Variants in OR1A1 observed in about 807,000 individuals in gnomAD.
The protein encoded by OR1A1 is olfactory receptor 1A1.
For missense variants in OR1A1, 391 were observed against 379.9 expected (o/e 1.03, Z -0.24); for synonymous variants, 145 against 147.8 (o/e 0.98, Z 0.13).
chr17:3,210,057 C>G (rs867267774), intron 2 of OR1A1, among the ~76,000 whole-genome samples: 1 of 140,120 alleles, frequency 7.1e-6, no homozygotes, highest in Middle Eastern at 3.5e-3. Context: ...ATAGGATTCA[C>G]TACTAAAAAA....
Position 3,218,032 on chromosome 17 carries a change from C to G in OR1A1, c.*1482C>G, listed in dbSNP as rs576932450. The stretch of plus-strand genomic sequence containing the variant: ...AAATTTTTGCCATCTATCCATCTGA[C>G]AAAGGGCTAATATCTAGAATCTACA... On this transcript the variant is annotated 3_prime_UTR_variant, in exon 4 of 4. Transcript: ENST00000641732. The G allele has an allele frequency of 6.6e-6, 1 of 152,150 alleles. No homozygotes were observed. The highest frequency in any genetic ancestry group is 2.1e-4 in the South Asian group (1 of 4,824). The allele number at this position is 152,150 out of a possible 1,614,324, so 9.4% of individuals were successfully genotyped here. A position where few individuals can be genotyped will look rare whatever the true frequency, so the allele number is the denominator to read the frequency against.
chr17:3,209,296 A>C (rs1194208385), intron 2 of OR1A1, among the ~76,000 whole-genome samples: 2 of 151,942 alleles, frequency 1.3e-5, no homozygotes, highest in Non-Finnish European at 2.9e-5. Flanking sequence ...TTGGTTTTCC[A>C]TTCCTGAGTT....
Position 3,207,973 on chromosome 17 carries a change from C to A in OR1A1, c.-584C>A, listed in dbSNP as rs1016866405. ...ACAGCAACATCAAAGGGTAGACAGC[C>A]AGCAACTGTAGGCTACTTGCCCAAG... On this transcript the variant is annotated 5_prime_UTR_variant, in exon 1 of 4. Transcript: ENST00000641732. 2 of 152,192 alleles carry A rather than the reference C, an allele frequency of 1.3e-5. No individual in the cohort carries two copies. Among genetic ancestry groups the A allele is most frequent in the East Asian group, 3.9e-4 (2 of 5,182 alleles). The allele number at this position is 152,192 out of a possible 1,614,324, so 9.4% of individuals were successfully genotyped here.
intron 2 of OR1A1, among the ~76,000 whole-genome samples, chr17:3,210,337 G>C (rs745657353): frequency 2.6e-5 from 4 of 152,184 alleles, no homozygotes; most frequent in South Asian, 4.1e-4. Context: ...GAATGGCTGG[G>C]TCAGAGATGT....
At position 3,215,891 on chromosome 17, in the gene OR1A1, T is replaced by G. The variant is rs1567525897; in HGVS notation, c.271T>G (p.Ser91Ala). 1.2e-6 allele frequency: 2 copies of G among 1,614,170 alleles called. No homozygotes were observed. The highest frequency in any genetic ancestry group is 1.7e-6 in the Non-Finnish European group (2 of 1,180,034). Residue 91 changes from serine to alanine, a missense_variant, in exon 4 of 4, where the codon TCC (serine) becomes GCC (alanine). Physicochemically the swap from Ser to Ala is moderately conservative, Grantham distance 99 (BLOSUM62 1). Transcript: ENST00000641732. ...GGCCAACCATCTCTTGGGCAGCAAA[T>G]CCATCTCTTTTGGGGGATGCCTAAC... ...MLANHLLGSKSISFGGCLTQM... is the reference protein window; with the variant it reads ...MLANHLLGSKAISFGGCLTQM...
At chr17:3,209,713 T>C (rs928378156) in intron 2 of OR1A1, among the ~76,000 whole-genome samples, 3 of 152,122 alleles carry the variant, frequency 2.0e-5, no homozygotes, top group Non-Finnish European at 4.4e-5. Flanking sequence ...AAGGCTGCAG[T>C]GAGCCATGAT....
In OR1A1 at chr17:3,217,044, T is replaced by C. The variant is rs2048473985; in HGVS notation, c.*494T>C. 6.5e-6 allele frequency: 1 copy of C among 153,038 alleles called. No individual in the cohort carries two copies. The highest frequency in any genetic ancestry group is 1.5e-5 in the Non-Finnish European group (1 of 68,690). 9.5% of individuals were successfully genotyped at this position (153,038 alleles called of 1,614,324 possible). On this transcript the variant is annotated 3_prime_UTR_variant, in exon 4 of 4. Transcript: ENST00000641732. ...CCTTCCCAATCTTGGTCAGATAAAG[T>C]GCATCCAATAAATACTGGTGGAAGT...
Position 3,215,928 on chromosome 17 carries a change from T to C in OR1A1, c.308T>C (p.Phe103Ser). Residue 103 changes from phenylalanine to serine, a missense_variant, in exon 4 of 4, where the codon TTC becomes TCC. By Grantham distance (155) the Phe-to-Ser change is radical. Coordinates refer to ENST00000641732, the MANE Select transcript of OR1A1 (RefSeq NM_014565.3). ...GGGGGATGCCTAACGCAGATGTATT[T>C]CATGATAGCCTTGGGTAACACAGAC... ...SFGGCLTQMY[F>S]MIALGNTDSY... The C allele has an allele frequency of 6.2e-7, 1 of 1,614,208 alleles. No individual in the cohort carries two copies. The highest frequency in any genetic ancestry group is 8.5e-7 in the Non-Finnish European group (1 of 1,180,042).
intron 3 of OR1A1, chr17:3,215,310 A>T: frequency 3.1e-6 from 1 of 326,674 alleles, no homozygotes; most frequent in East Asian, 5.6e-5. Context: ...AGACCATGGG[A>T]CATGACAATT....
intron 2 of OR1A1, among the ~76,000 whole-genome samples, chr17:3,210,052 A>G (rs566793460): frequency 3.2e-4 from 46 of 142,120 alleles, no homozygotes; most frequent in African/African-American, 1.1e-3. Flanking sequence ...ATTGCATAGG[A>G]TTCACTACTA....
In OR1A1 at chr17:3,208,794, T is replaced by C. The variant is rs894161671; in HGVS notation, c.-343T>C. 5.3e-5 allele frequency: 8 copies of C among 152,138 alleles called. No homozygotes were observed. Among genetic ancestry groups the C allele is most frequent in the Non-Finnish European group, 1.0e-4 (7 of 68,036 alleles). 9.4% of individuals were successfully genotyped at this position (152,138 alleles called of 1,614,324 possible). ...TTTTTACCTCTTTCCCCTAGTCTGATATATGGCCCCTGGGTCCCTCTTCCA... is the reference window on the plus strand; with the variant it reads ...TTTTTACCTCTTTCCCCTAGTCTGACATATGGCCCCTGGGTCCCTCTTCCA... On this transcript the variant is annotated 5_prime_UTR_variant, in exon 2 of 4. Coordinates refer to ENST00000641732, the MANE Select transcript of OR1A1 (RefSeq NM_014565.3).
Position 3,216,707 on chromosome 17 carries a change from A to G in OR1A1, c.*157A>G. ...TATAACATTTTAATAAGTTAATAATAAGTGATTATTGAAATTACCACTTTC... is the reference window on the plus strand; with the variant it reads ...TATAACATTTTAATAAGTTAATAATGAGTGATTATTGAAATTACCACTTTC... On this transcript the variant is annotated 3_prime_UTR_variant, in exon 4 of 4. Coordinates refer to ENST00000641732, the MANE Select transcript of OR1A1 (RefSeq NM_014565.3). The G allele has an allele frequency of 3.3e-6, 2 of 599,966 alleles. No homozygotes were observed. Among genetic ancestry groups the G allele is most frequent in the Non-Finnish European group, 5.6e-6 (2 of 356,472 alleles). 37.2% of individuals were successfully genotyped at this position (599,966 alleles called of 1,614,324 possible). A position where few individuals can be genotyped will look rare whatever the true frequency, so the allele number is the denominator to read the frequency against.
Position 3,216,794 on chromosome 17 carries a change from G to A in OR1A1, c.*244G>A. ...AGGGATATAGGGCATATGTCCTGAT[G>A]AGCAGAGTCAAGTTGGGAAGATCTG... On this transcript the variant is annotated 3_prime_UTR_variant, in exon 4 of 4. Coordinates refer to ENST00000641732, the MANE Select transcript of OR1A1 (RefSeq NM_014565.3). 2.5e-6 allele frequency: 1 copy of A among 402,980 alleles called. No individual in the cohort carries two copies. The highest frequency in any genetic ancestry group is 4.4e-6 in the Non-Finnish European group (1 of 225,644). 25.0% of individuals were successfully genotyped at this position (402,980 alleles called of 1,614,324 possible). A position where few individuals can be genotyped will look rare whatever the true frequency, so the allele number is the denominator to read the frequency against.
chr17:3,209,747 GC>G (rs770618263), intron 2 of OR1A1, among the ~76,000 whole-genome samples: 92 of 152,220 alleles, frequency 6.0e-4, no homozygotes, highest in Admixed American at 1.2e-3. Flanking sequence ...TCCAGCCTGG[GC>G]AACAGAGTGA....
In OR1A1 at chr17:3,216,890, C is replaced by A; in HGVS notation, c.*340C>A. Reference sequence around the variant, plus strand: ...CATGGGTCACATGGTGTGTTGATTACAATAGCTCATGCTTCCAAGATTATA... The same window carrying A: ...CATGGGTCACATGGTGTGTTGATTAAAATAGCTCATGCTTCCAAGATTATA... On this transcript the variant is annotated 3_prime_UTR_variant, in exon 4 of 4. Coordinates refer to ENST00000641732, the MANE Select transcript of OR1A1 (RefSeq NM_014565.3). The A allele has an allele frequency of 4.8e-6, 1 of 206,908 alleles. No individual in the cohort carries two copies. The highest frequency in any genetic ancestry group is 9.8e-6 in the Non-Finnish European group (1 of 101,994). 12.8% of individuals were successfully genotyped at this position (206,908 alleles called of 1,614,324 possible). A position where few individuals can be genotyped will look rare whatever the true frequency, so the allele number is the denominator to read the frequency against.
rs1306102557 is a variant in OR1A1, at chr17:3,208,835, C to A, written c.-302C>A. On this transcript the variant is annotated 5_prime_UTR_variant, in exon 2 of 4. Transcript: ENST00000641732. ...CCCTCTTCCAGTATAAATAAACCTC[C>A]ATTTATTCTCAACCTCTTTACAAGG... 1 of 151,968 alleles carries A rather than the reference C, an allele frequency of 6.6e-6. No individual in the cohort carries two copies. Among genetic ancestry groups the A allele is most frequent in the Non-Finnish European group, 1.5e-5 (1 of 68,008 alleles). The allele number at this position is 151,968 out of a possible 1,614,324, so 9.4% of individuals were successfully genotyped here. A position where few individuals can be genotyped will look rare whatever the true frequency, so the allele number is the denominator to read the frequency against.
At chr17:3,208,174 T>A (rs909750862) in intron 1 of OR1A1, among the ~76,000 whole-genome samples, 174 bp downstream of exon 1, 2 of 149,008 alleles carry the variant, frequency 1.3e-5, no homozygotes, top group Non-Finnish European at 3.0e-5. Flanking sequence ...GATAGAGATA[T>A]ATATATAGAG....
At position 3,216,091 on chromosome 17, in the gene OR1A1, C is replaced by T; in HGVS notation, c.471C>T (p.Leu157=). Reference sequence around the variant, plus strand: ...GGGTGATTGGAAATGCCAATGCCCTCCCCCACACTCTGCTCACAGCTAGTC... The same window carrying T: ...GGGTGATTGGAAATGCCAATGCCCTTCCCCACACTCTGCTCACAGCTAGTC... The part of the protein sequence containing the change: ...GSWVIGNANA[L]PHTLLTASLS... Residue 157 remains leucine, a synonymous_variant, in exon 4 of 4, where the codon CTC becomes CTT. Coordinates refer to ENST00000641732, the MANE Select transcript of OR1A1 (RefSeq NM_014565.3). 1 of 1,614,142 alleles carries T rather than the reference C, an allele frequency of 6.2e-7. No homozygotes were observed. The highest frequency in any genetic ancestry group is 8.5e-7 in the Non-Finnish European group (1 of 1,180,022).
chr17:3,212,677 A>C (rs2048448361), intron 3 of OR1A1, 78 bp downstream of exon 3: 1 of 152,238 alleles, frequency 6.6e-6, no homozygotes, highest in South Asian at 2.1e-4. Flanking sequence ...AGAGATGAGA[A>C]AGTACATCAT....
Sources: allele counts gnomAD v4.1 joint callset (sites outside exome capture counted in the v4.1 genomes callset), GRCh38; gene constraint gnomAD v4.1.1; transcripts MANE v1.5; gene names NCBI Gene and HGNC (gene_info 2026-07-23, HGNC 2026-07-21).